CHD2: variants seen among roughly 807,000 people sequenced by gnomAD.
CHD2 encodes ATP-dependent chromatin remodeler CHD2.
In CHD2, 28 loss-of-function variants were observed where a neutral mutation model predicts 243.9. The ratio of observed to expected loss-of-function variants is 0.11; its 90% CI spans 0.09 to 0.16. The LOEUF is 0.16. Ranked by LOEUF, CHD2 falls within the 10% of genes least tolerant of loss-of-function variation. The pLI is 1.00. For synonymous variants in CHD2, 775 were observed against 779.0 expected (o/e 0.99, Z 0.09); for missense variants, 1,386 against 2,209.8 (o/e 0.63, Z 7.47).
chr15:92,908,149 C>G (rs2052657069), intron 2 of CHD2, among the ~76,000 whole-genome samples: 1 of 151,812 alleles, frequency 6.6e-6, no homozygotes, highest in Non-Finnish European at 1.5e-5. Flanking sequence ...CCCCACTCCC[C>G]CAAGCTGATA....
At position 92,998,682 on chromosome 15, in the gene CHD2, G is replaced by T; in HGVS notation, c.4008+61G>T. 6.3e-7 allele frequency: 1 copy of T among 1,578,544 alleles called. No individual in the cohort carries two copies. The highest frequency in any genetic ancestry group is 2.3e-4 in the Middle Eastern group (1 of 4,274). On this transcript the variant is annotated intron_variant, in intron 31 of 38. Coordinates refer to ENST00000394196, the MANE Select transcript of CHD2 (RefSeq NM_001271.4). The surrounding 1 kb of genome is among the most constrained non-coding windows in gnomAD (Gnocchi z 5.1). ...CTGAGGCTCCTACCCTGCAGAATTA[G>T]GTAGGAAGAGAGAGGCCCTCTCTGA...
intron 2 of CHD2, chr15:92,902,880 T>C (rs2052549788): frequency 6.6e-6 from 1 of 152,228 alleles, no homozygotes; most frequent in African/African-American, 2.4e-5. Context: ...TTGATCAGAC[T>C]GTGCTTTCTA....
intron 5 of CHD2, among the ~76,000 whole-genome samples, chr15:92,930,578 GC>G (rs753077712): frequency 2.0e-5 from 3 of 151,992 alleles, no homozygotes; most frequent in Non-Finnish European, 4.4e-5. Context: ...ACAGGCATGT[GC>G]TATCATGCCC....
chr15:92,967,181 C>T, intron 16 of CHD2, 144 bp from the exon 17 acceptor site: 3 of 579,018 alleles, frequency 5.2e-6, no homozygotes, highest in Non-Finnish European at 8.9e-6. Flanking sequence ...TTTACTTTTC[C>T]CCTTTTTGTT....
intron 7 of CHD2, among the ~76,000 whole-genome samples, chr15:92,940,992 T>A (rs956304032): frequency 8.6e-6 from 1 of 115,728 alleles, no homozygotes; most frequent in African/African-American, 3.3e-5. Context: ...AATATATATA[T>A]AAATATATAT....
At chr15:92,986,855 C>G (rs2054050126) in intron 26 of CHD2, among the ~76,000 whole-genome samples, 2 of 152,142 alleles carry the variant, frequency 1.3e-5, no homozygotes, top group South Asian at 4.1e-4. Context: ...ACTCAGCCTC[C>G]CAGGTAGCCA....
At chr15:92,993,509 A>G (rs2054147879) in intron 28 of CHD2, among the ~76,000 whole-genome samples, 2 of 152,170 alleles carry the variant, frequency 1.3e-5, no homozygotes, top group East Asian at 3.8e-4. Context: ...TTGGACATGC[A>G]GTGTGTTTTC....
chr15:92,942,682 T>C (rs2053402431), intron 8 of CHD2, among the ~76,000 whole-genome samples, 161 bp from the exon 9 acceptor site: 1 of 152,186 alleles, frequency 6.6e-6, no homozygotes, highest in South Asian at 2.1e-4. Context: ...AAATTTTTGA[T>C]TGAGTCCGTT....
chr15:93,000,008 C>T (rs902942523), intron 31 of CHD2, among the ~76,000 whole-genome samples: 8 of 152,132 alleles, frequency 5.3e-5, no homozygotes, highest in African/African-American at 1.9e-4. Flanking sequence ...CCTGTAATCC[C>T]AGCACTTTGG....
At chr15:92,947,612 T>C (rs1359668578) in intron 12 of CHD2, 2 of 152,240 alleles carry the variant, frequency 1.3e-5, no homozygotes, top group South Asian at 2.1e-4. Flanking sequence ...CTGGAGTAAG[T>C]AATTATTAAA....
At chr15:92,992,688 C>T (rs1003114666) in intron 27 of CHD2, among the ~76,000 whole-genome samples, 171 bp from the exon 28 acceptor site, 1 of 152,192 alleles carries the variant, frequency 6.6e-6, no homozygotes, top group Non-Finnish European at 1.5e-5. Flanking sequence ...AATGTGTTAG[C>T]CTTCAGTCAA....
intron 16 of CHD2, among the ~76,000 whole-genome samples, chr15:92,961,011 A>C (rs151223359): frequency 6.6e-6 from 1 of 152,190 alleles, no homozygotes; most frequent in East Asian, 1.9e-4. Context: ...GGCGTGAGCC[A>C]CTGTGCCTGG....
Position 92,998,894 on chromosome 15 carries a change from T to G in CHD2, c.4008+273T>G, listed in dbSNP as rs368803489. On this transcript the variant is annotated intron_variant, in intron 31 of 38. Transcript: ENST00000394196. This position sits in a 1 kb window ranked among gnomAD's most constrained non-coding sequence, Gnocchi z 5.1. Reference sequence around the variant, plus strand: ...GTCAGGAGATTGAGACCATCCTGGCTAATATGGTGAAACCCCGTCTCTACT... The same window carrying G: ...GTCAGGAGATTGAGACCATCCTGGCGAATATGGTGAAACCCCGTCTCTACT... Among the ~76,000 whole-genome samples the G allele has an allele frequency of 1.3e-5, 2 of 151,716 alleles. No individual in the cohort carries two copies. The highest frequency in any genetic ancestry group is 6.6e-5 in the Admixed American group (1 of 15,230).
intron 16 of CHD2, among the ~76,000 whole-genome samples, chr15:92,961,643 C>T (rs889674318): frequency 5.3e-5 from 8 of 152,042 alleles, no homozygotes; most frequent in Non-Finnish European, 1.0e-4. Context: ...AACTTCTGGG[C>T]TCAAGTGATC....
intron 2 of CHD2, chr15:92,901,827 TTGAC>T (rs750368273): frequency 1.7e-4 from 43 of 257,096 alleles, no homozygotes; most frequent in Non-Finnish European, 2.2e-4. Flanking sequence ...AAAGGACCCT[TTGAC>T]TGATGCCTCT....
intron 2 of CHD2, chr15:92,901,754 GTAAA>G (rs2052531691): frequency 7.4e-6 from 2 of 272,078 alleles, no homozygotes; most frequent in East Asian, 1.3e-4. Flanking sequence ...GTAAATTATA[GTAAA>G]TAGACATATC....
At chr15:93,007,096 C>G (rs968970820) in intron 34 of CHD2, among the ~76,000 whole-genome samples, 8 of 152,204 alleles carry the variant, frequency 5.3e-5, no homozygotes, top group Non-Finnish European at 1.2e-4. Flanking sequence ...TAGGTGTACA[C>G]ATCTGCCACT....
rs926457104 is a variant in CHD2 at position 92,900,768 on chromosome 15, C to G, written c.-128C>G. On this transcript the variant is annotated 5_prime_UTR_variant, in exon 1 of 39. In the 5' UTR this introduces an upstream ATG that the reference lacks. Coordinates refer to ENST00000394196, the MANE Select transcript of CHD2 (RefSeq NM_001271.4). ...GCCTTTATTTTTAATTATTTGGGAT[C>G]TGATATTTTTCTACTAGTAGATAGG... is the stretch of plus-strand genomic sequence containing the variant. The G allele has an allele frequency of 7.6e-6, 3 of 395,504 alleles. No homozygotes were observed. Among genetic ancestry groups the G allele is most frequent in the African/African-American group, 2.1e-5 (1 of 48,310 alleles). The allele number at this position is 395,504 out of a possible 1,614,324, so 24.5% of individuals were successfully genotyped here.
intron 38 of CHD2, among the ~76,000 whole-genome samples, chr15:93,023,827 T>C (rs2054562124): frequency 6.6e-6 from 1 of 152,194 alleles, no homozygotes; most frequent in South Asian, 2.1e-4. Context: ...GAGAAATGTC[T>C]GTTCAAATCC....
Sources: gnomAD v4.1 joint callset for allele counts (sites outside exome capture counted in the v4.1 genomes callset) on GRCh38, gnomAD v4.1.1 for gene constraint, Gnocchi (gnomAD v3.1) non-coding constraint, MANE v1.5 for transcripts, NCBI Gene and HGNC (gene_info 2026-07-23, HGNC 2026-07-21) for gene names.